The following RNF146 variants were observed in gnomAD, a reference collection of about 807,000 sequenced individuals.
The protein encoded by RNF146 is E3 ubiquitin-protein ligase RNF146.
A neutral mutation model predicts 29.7 loss-of-function variants in RNF146; 11 were observed. The observed-to-expected ratio is 0.37, with a 90% CI of 0.23 to 0.61. RNF146 has a LOEUF of 0.61. RNF146 is among the 20% of genes least tolerant of loss of function. The pLI is 0.66. For missense variants in RNF146, 342 were observed against 438.9 expected (o/e 0.78, Z 1.97); for synonymous variants, 150 against 159.7 (o/e 0.94, Z 0.46).
At position 127,287,205 on chromosome 6, in the gene RNF146, G is replaced by C; in HGVS notation, c.592G>C (p.Ala198Pro). The change falls in exon 3 of 3, where the codon GCT becomes CCT. Residue 198 changes from alanine to proline, a missense_variant. Physicochemically the swap from Ala to Pro is conservative, Grantham distance 27. Around this residue, in one of 6 missense-constraint regions of RNF146, gnomAD observed 196 missense variants for 208.9 expected, o/e 0.94. Coordinates refer to ENST00000368314, the MANE Select transcript of RNF146 (RefSeq NM_001242850.2). Reference protein sequence around the residue: ...NTVNLARESSADGADSVSAQS... With the variant: ...NTVNLARESSPDGADSVSAQS... The stretch of plus-strand genomic sequence containing the variant: ...CGTAAACCTAGCAAGAGAGAGCTCT[G>C]CTGACGGAGCGGACAGTGTATCAGC... 6.2e-7 allele frequency: 1 copy of C among 1,613,394 alleles called. No homozygotes were observed.
chr6:127,286,813 T>G lies in RNF146; in HGVS notation c.200T>G (p.Leu67Arg). The G allele has an allele frequency of 6.2e-7, 1 of 1,613,276 alleles. No individual in the cohort carries two copies. Among genetic ancestry groups the G allele is most frequent in the Non-Finnish European group, 8.5e-7 (1 of 1,179,584 alleles). The change falls in exon 3 of 3, where the codon CTT (leucine) becomes CGT (arginine). Residue 67 changes from leucine to arginine, a missense_variant. By Grantham distance (102) the Leu-to-Arg change is moderately radical. Coordinates refer to ENST00000368314, the MANE Select transcript of RNF146 (RefSeq NM_001242850.2). This position sits in a 1 kb window ranked among gnomAD's most constrained non-coding sequence, Gnocchi z 4.6. Reference sequence around the variant, plus strand: ...CTATGTGTAAAAGGAGCTTCATGGCTTGGAAAGCGGTGTGCTCTTTGTCGA... The same window carrying G: ...CTATGTGTAAAAGGAGCTTCATGGCGTGGAAAGCGGTGTGCTCTTTGTCGA... ...CYLCVKGASW[L>R]GKRCALCRQE... is the part of the protein sequence containing the mutation.
chr6:127,270,363 C>A (rs1482846267), intron 1 of RNF146, among the ~76,000 whole-genome samples: 1 of 152,052 alleles, frequency 6.6e-6, no homozygotes, highest in Non-Finnish European at 1.5e-5. Flanking sequence ...CATACATCAT[C>A]ATATTAAGTT....
rs550004244 is a variant in RNF146 at position 127,280,651 on chromosome 6, A to T, written c.2+311A>T. The T allele has an allele frequency of 8.6e-6, 7 of 812,404 alleles. No homozygotes were observed. The South Asian group carries it at 1.6e-4, about 19-fold the overall frequency. 50.3% of individuals were successfully genotyped at this position (812,404 alleles called of 1,614,324 possible). ...TTTTACATAATAATTTTCTTAAATA[A>T]CTAAGCTAGGCAAGTAGTACTAGCT... On this transcript the variant is annotated intron_variant, in intron 2 of 2. Transcript: ENST00000368314.
At chr6:127,274,871 A>T (rs767588075) in intron 1 of RNF146, among the ~76,000 whole-genome samples, 10 of 152,152 alleles carry the variant, frequency 6.6e-5, no homozygotes, top group Non-Finnish European at 1.5e-4. Context: ...CAGGAGTTTG[A>T]GGTTTAAGTT....
intron 1 of RNF146, among the ~76,000 whole-genome samples, chr6:127,275,255 A>T (rs903236755): frequency 4.6e-5 from 7 of 152,136 alleles, no homozygotes; most frequent in African/African-American, 1.4e-4. Flanking sequence ...TGGGTAAATG[A>T]TTTGCTTGCC....
intron 1 of RNF146, among the ~76,000 whole-genome samples, chr6:127,272,818 T>G (rs188086942): frequency 1.3e-5 from 2 of 152,318 alleles, no homozygotes; most frequent in East Asian, 1.9e-4. Context: ...TCCCCAAAAT[T>G]TAACTACTAA....
chr6:127,287,722 G>T lies in RNF146; in HGVS notation c.*29G>T. ...AAAATGTCTTCAGCTCCATGCTCAA[G>T]GTTGAAAGGGTTACCTGTAAATTTC... On this transcript the variant is annotated 3_prime_UTR_variant, in exon 3 of 3. Coordinates refer to ENST00000368314, the MANE Select transcript of RNF146 (RefSeq NM_001242850.2). 1 of 1,344,016 alleles carries T rather than the reference G, an allele frequency of 7.4e-7. No homozygotes were observed. The highest frequency in any genetic ancestry group is 1.0e-6 in the Non-Finnish European group (1 of 970,146). The allele number at this position is 1,344,016 out of a possible 1,614,324, so 83.3% of individuals were successfully genotyped here.
At chr6:127,271,113 C>T (rs1228985825) in intron 1 of RNF146, among the ~76,000 whole-genome samples, 1 of 152,180 alleles carries the variant, frequency 6.6e-6, no homozygotes, top group African/African-American at 2.4e-5. Context: ...CGCACCTGGC[C>T]TCCTTACGAT....
At chr6:127,271,036 G>C (rs1777410611) in intron 1 of RNF146, among the ~76,000 whole-genome samples, 1 of 152,032 alleles carries the variant, frequency 6.6e-6, no homozygotes, top group Non-Finnish European at 1.5e-5. Context: ...GGATGGTATT[G>C]ATCTCTTGAC....
intron 2 of RNF146, chr6:127,282,419 C>T (rs1225961187): frequency 6.6e-6 from 1 of 151,620 alleles, no homozygotes; most frequent in Non-Finnish European, 1.5e-5. Context: ...CTTTTTTCAG[C>T]TCAGATTTAT....
At position 127,288,505 on chromosome 6, in the gene RNF146, A is replaced by G. The variant is rs1374583302; in HGVS notation, c.*812A>G. ...GAAAAGTTTGATTTTTTTCTTAGAGATTATTTAAACAGAATCTATAGGCAG... is the reference window on the plus strand; with the variant it reads ...GAAAAGTTTGATTTTTTTCTTAGAGGTTATTTAAACAGAATCTATAGGCAG... On this transcript the variant is annotated 3_prime_UTR_variant, in exon 3 of 3. Coordinates refer to ENST00000368314, the MANE Select transcript of RNF146 (RefSeq NM_001242850.2). The G allele has an allele frequency of 6.0e-6, 1 of 166,870 alleles. No individual in the cohort carries two copies. The highest frequency in any genetic ancestry group is 2.4e-5 in the African/African-American group (1 of 41,420). 10.3% of individuals were successfully genotyped at this position (166,870 alleles called of 1,614,324 possible). A position where few individuals can be genotyped will look rare whatever the true frequency, so the allele number is the denominator to read the frequency against.
At chr6:127,282,090 A>G (rs1449633872) in intron 2 of RNF146, among the ~76,000 whole-genome samples, 1 of 151,698 alleles carries the variant, frequency 6.6e-6, no homozygotes, top group African/African-American at 2.4e-5. Flanking sequence ...AATAGCTATT[A>G]AGTGTGTGGG....
At chr6:127,272,546 C>A (rs1024728377) in intron 1 of RNF146, among the ~76,000 whole-genome samples, 1 of 152,146 alleles carries the variant, frequency 6.6e-6, no homozygotes, top group African/African-American at 2.4e-5. Context: ...CTGTAGGATT[C>A]CTGTTTACAT....
intron 2 of RNF146, 74 bp downstream of exon 2, chr6:127,280,414 G>C: frequency 6.7e-7 from 1 of 1,499,860 alleles, no homozygotes; most frequent in East Asian, 2.5e-5. Flanking sequence ...GGTAAATTGA[G>C]TATCTGTCAT....
chr6:127,286,414 C>A lies in RNF146; in HGVS notation c.3-202C>A. ...CACTGATGGAATTTTTATACATTCC[C>A]AAGGTATGTACAAGTAGATGCTTAC... On this transcript the variant is annotated intron_variant, in intron 2 of 2. Coordinates refer to ENST00000368314, the MANE Select transcript of RNF146 (RefSeq NM_001242850.2). This position sits in a 1 kb window ranked among gnomAD's most constrained non-coding sequence, Gnocchi z 4.6. The A allele has an allele frequency of 1.5e-6, 1 of 658,738 alleles. No individual in the cohort carries two copies. Among genetic ancestry groups the A allele is most frequent in the Non-Finnish European group, 2.5e-6 (1 of 406,216 alleles). The allele number at this position is 658,738 out of a possible 1,614,324, so 40.8% of individuals were successfully genotyped here. A position where few individuals can be genotyped will look rare whatever the true frequency, so the allele number is the denominator to read the frequency against.
intron 1 of RNF146, among the ~76,000 whole-genome samples, chr6:127,278,537 G>A (rs1778537078): frequency 6.6e-6 from 1 of 151,972 alleles, no homozygotes; most frequent in South Asian, 2.1e-4. Context: ...ACTGAATAAT[G>A]TACTGTTGTA....
chr6:127,285,400 G>A (rs962676070), intron 2 of RNF146: 1 of 902,602 alleles, frequency 1.1e-6, no homozygotes, highest in African/African-American at 1.8e-5. Flanking sequence ...CATTTAGAAT[G>A]GCAGAATTAG....
chr6:127,282,113 TG>T (rs1778988864), intron 2 of RNF146, among the ~76,000 whole-genome samples: 2 of 151,906 alleles, frequency 1.3e-5, no homozygotes, highest in East Asian at 3.9e-4. Context: ...TCACAACTTT[TG>T]CACCACACAA....
At chr6:127,280,644 T>G in intron 2 of RNF146, 1 of 881,990 alleles carries the variant, frequency 1.1e-6, no homozygotes, top group Non-Finnish European at 1.4e-6. Flanking sequence ...AATAATTTTC[T>G]TAAATAACTA....
Sources: gnomAD v4.1 joint callset for allele counts (sites outside exome capture counted in the v4.1 genomes callset) on GRCh38, gnomAD v4.1.1 for gene constraint, gnomAD v4.1.1 regional missense constraint, Gnocchi (gnomAD v3.1) non-coding constraint, MANE v1.5 for transcripts, NCBI Gene and HGNC (gene_info 2026-07-23, HGNC 2026-07-21) for gene names.